The following SORCS3 variants were observed in gnomAD, a reference collection of about 807,000 sequenced individuals.
SORCS3 encodes the protein sortilin related VPS10 domain containing receptor 3, also known as VPS10 domain-containing receptor SorCS3.
SORCS3 carries 57 observed loss-of-function variants against 146.3 expected under a neutral mutation model. The observed-to-expected ratio is 0.39, with a 90% CI of 0.31 to 0.49. The LOEUF is 0.49. Ranked by LOEUF, SORCS3 falls within the 20% of genes least tolerant of loss-of-function variation. The pLI is 0.92. For missense variants in SORCS3, 1,341 were observed against 1,575.5 expected (o/e 0.85, Z 2.52); for synonymous variants, 653 against 618.5 (o/e 1.06, Z -0.83).
At chr10:105,009,503 A>AAAAC (rs1190510703) in intron 4 of SORCS3, among the ~76,000 whole-genome samples, 5 of 141,470 alleles carry the variant, frequency 3.5e-5, no homozygotes, top group Non-Finnish European at 7.5e-5. Context: ...TTCCCTGTAA[A>AAAAC]AAACAAACAA....
At chr10:105,095,901 T>G (rs2055742481) in intron 6 of SORCS3, among the ~76,000 whole-genome samples, 1 of 152,116 alleles carries the variant, frequency 6.6e-6, no homozygotes. Context: ...CAAGATCTGC[T>G]CATGAAACAT....
Position 105,199,998 on chromosome 10 carries a change from G to C in SORCS3, c.2010-1G>C. ...CTCCCACTCCTCCCCTAAACACTTA[G>C]AGTTTTTGGCCACTTCAGCCTCCGC... On this transcript the variant is annotated splice_acceptor_variant, in intron 14 of 26. Transcript: ENST00000369701. LOFTEE classifies it high-confidence loss of function. 3 of 1,612,350 alleles carry C rather than the reference G, an allele frequency of 1.9e-6. No individual in the cohort carries two copies. The highest frequency in any genetic ancestry group is 1.3e-5 in the African/African-American group (1 of 74,956).
intron 5 of SORCS3, among the ~76,000 whole-genome samples, chr10:105,047,032 T>A (rs1227451697): frequency 6.6e-6 from 1 of 152,080 alleles, no homozygotes; most frequent in African/African-American, 2.4e-5. Context: ...GCTTTTCTGT[T>A]TTTTTTAATA....
chr10:104,823,107 A>G (rs1324246477), intron 1 of SORCS3, among the ~76,000 whole-genome samples: 2 of 152,316 alleles, frequency 1.3e-5, no homozygotes, highest in Admixed American at 1.3e-4. Flanking sequence ...CTCCAAAGGC[A>G]CTGGACAGGC....
chr10:105,223,736 G>A (rs1402478625), intron 20 of SORCS3, among the ~76,000 whole-genome samples: 1 of 152,168 alleles, frequency 6.6e-6, no homozygotes, highest in Admixed American at 6.5e-5. Context: ...AGGTGCTGAG[G>A]TTGCCACGTC....
chr10:104,848,825 C>A (rs1006496033), intron 2 of SORCS3, among the ~76,000 whole-genome samples: 2 of 152,190 alleles, frequency 1.3e-5, no homozygotes, highest in African/African-American at 4.8e-5. Flanking sequence ...GTTATGCTTG[C>A]TATCCTCAAG....
intron 12 of SORCS3, 151 bp downstream of exon 12, chr10:105,164,530 G>A (rs1175666742): frequency 1.5e-6 from 1 of 662,332 alleles, no homozygotes. Context: ...TGGCTGGCAG[G>A]TTAGAGGGGT....
chr10:105,232,793 A>G (rs570784247), intron 20 of SORCS3, among the ~76,000 whole-genome samples: 2 of 152,034 alleles, frequency 1.3e-5, no homozygotes, highest in East Asian at 3.9e-4. Flanking sequence ...TGTTATTTAG[A>G]TGTGTCTTGT....
chr10:104,732,025 G>C (rs2016712006), intron 1 of SORCS3, among the ~76,000 whole-genome samples: 1 of 152,198 alleles, frequency 6.6e-6, no homozygotes, highest in South Asian at 2.1e-4. Context: ...TATAGGGTTA[G>C]AAGGAATAAA....
intron 3 of SORCS3, among the ~76,000 whole-genome samples, chr10:104,939,629 C>T (rs1050290999): frequency 2.6e-5 from 4 of 152,088 alleles, no homozygotes; most frequent in East Asian, 1.9e-4. Flanking sequence ...TCAAGGCCAG[C>T]CAAACTGTCC....
intron 20 of SORCS3, among the ~76,000 whole-genome samples, chr10:105,230,055 G>T (rs902956373): frequency 3.9e-5 from 6 of 152,154 alleles, no homozygotes; most frequent in African/African-American, 1.4e-4. Flanking sequence ...AGCTCTGGTG[G>T]TAGTGGTAGG....
rs138845181 is a variant in SORCS3, at chr10:104,976,126, C to G, written c.796-1209C>G. 4.8e-4 allele frequency among the ~76,000 whole-genome samples: 73 copies of G among 152,210 alleles called. No homozygotes were observed. In the East Asian group the frequency reaches 0.014, roughly 29 times the overall value. On this transcript the variant is annotated intron_variant, in intron 3 of 26. Transcript: ENST00000369701. ...ACTACCATCAGAGTGAACAGGCAACCCACACAATGGGAGAAAATTTTCGCA... is the reference window on the plus strand; with the variant it reads ...ACTACCATCAGAGTGAACAGGCAACGCACACAATGGGAGAAAATTTTCGCA...
At chr10:104,829,897 AATTTT>A (rs1331400463) in intron 1 of SORCS3, among the ~76,000 whole-genome samples, 14 of 151,916 alleles carry the variant, frequency 9.2e-5, no homozygotes, top group Admixed American at 6.6e-5. Context: ...TTTTGATTTT[AATTTT>A]ATTTTAAGTT....
intron 1 of SORCS3, among the ~76,000 whole-genome samples, chr10:104,659,296 T>C (rs941977581): frequency 1.2e-4 from 18 of 152,214 alleles, no homozygotes; most frequent in African/African-American, 4.3e-4. Flanking sequence ...CATAATGACC[T>C]AACTACATCT....
chr10:104,744,993 T>C (rs181231850), intron 1 of SORCS3, among the ~76,000 whole-genome samples: 148 of 152,374 alleles, frequency 9.7e-4, no homozygotes, highest in Middle Eastern at 3.4e-3. Context: ...TTAGTGCTGT[T>C]ACAAAGAATA....
In SORCS3 at chr10:104,995,754, T is replaced by C. The variant is rs1053479321; in HGVS notation, c.954+18261T>C. 3.3e-5 allele frequency among the ~76,000 whole-genome samples: 5 copies of C among 152,330 alleles called. No individual in the cohort carries two copies. In the East Asian group the frequency reaches 9.7e-4, roughly 29 times the overall value. On this transcript the variant is annotated intron_variant, in intron 4 of 26. Coordinates refer to ENST00000369701, the MANE Select transcript of SORCS3 (RefSeq NM_014978.3). ...GTGTCTCTCAATGAAGAGAAGTTCA[T>C]AGTTTTGATGAAGTACAATTTATCA...
rs533368258 is a variant in SORCS3, at chr10:104,641,832, A to C, written c.505A>C (p.Lys169Gln). The C allele has an allele frequency of 6.4e-7, 1 of 1,559,674 alleles. No homozygotes were observed. The highest frequency in any genetic ancestry group is 1.9e-5 in the Admixed American group (1 of 52,790). The stretch of plus-strand genomic sequence containing the variant: ...TGCTAAGGGTTCCCGGGAGGAGGTG[A>C]AGGCGCCGCGGGCTGGGGGGTCGGC... The part of the protein sequence containing the change: ...PLAKGSREEV[K>Q]APRAGGSAAE... The change falls in exon 1 of 27, where the codon AAG (lysine) becomes CAG (glutamine). Residue 169 changes from lysine (K) to glutamine (Q), a missense_variant. Transcript: ENST00000369701. This position sits in a 1 kb window ranked among gnomAD's most constrained non-coding sequence, Gnocchi z 6.4.
intron 4 of SORCS3, among the ~76,000 whole-genome samples, chr10:105,006,590 C>G (rs1250449655): frequency 6.6e-6 from 1 of 152,178 alleles, no homozygotes; most frequent in Non-Finnish European, 1.5e-5. Flanking sequence ...TTCCATGGCT[C>G]ATAAGATTAT....
At chr10:105,234,748 A>G (rs933736761) in intron 20 of SORCS3, among the ~76,000 whole-genome samples, 5 of 151,720 alleles carry the variant, frequency 3.3e-5, no homozygotes, top group African/African-American at 9.7e-5. Context: ...TTCTGTTTAC[A>G]TTGCTCATCT....
Sources: gnomAD v4.1 joint callset for allele counts (sites outside exome capture counted in the v4.1 genomes callset) on GRCh38, gnomAD v4.1.1 for gene constraint, Gnocchi (gnomAD v3.1) non-coding constraint, MANE v1.5 for transcripts, NCBI Gene and HGNC (gene_info 2026-07-23, HGNC 2026-07-21) for gene names.